The following NCAPD3 variants were observed in gnomAD, a reference collection of about 807,000 sequenced individuals.
The protein encoded by NCAPD3 is condensin-2 complex subunit D3.
NCAPD3 carries 105 observed loss-of-function variants against 182.9 expected under a neutral mutation model. The observed-to-expected ratio is 0.57, with a 90% CI of 0.49 to 0.68. NCAPD3 has a LOEUF of 0.68. NCAPD3 is among the 30% of genes least tolerant of loss of function. The pLI is 0.00. For missense variants in NCAPD3, 1,944 were observed against 1,837.0 expected (o/e 1.06, Z -1.07); for synonymous variants, 815 against 679.9 (o/e 1.20, Z -3.09).
In NCAPD3 at chr11:134,203,658, A is replaced by C. The variant is rs1944793793; in HGVS notation, c.1464T>G (p.Ile488Met). The change falls in exon 11 of 35, where the codon ATT becomes ATG. Residue 488 changes from isoleucine to methionine, a missense_variant. Around this residue, in one of 3 missense-constraint regions of NCAPD3, gnomAD observed 1,803 missense variants for 1,674.6 expected, o/e 1.08. Coordinates refer to ENST00000534548, the MANE Select transcript of NCAPD3 (RefSeq NM_015261.3). ...CCCAATAGTCGCCATACTCACTGTTAATCAGGAGCTCCAGGATACTCTCCG... is the reference window on the plus strand; with the variant it reads ...CCCAATAGTCGCCATACTCACTGTTCATCAGGAGCTCCAGGATACTCTCCG... ...SASESILELL[I>M]NSPTFSVIES... is the part of the protein sequence containing the mutation. 2.5e-6 allele frequency: 4 copies of C among 1,611,960 alleles called. No homozygotes were observed. Among genetic ancestry groups the C allele is most frequent in the South Asian group, 1.1e-5 (1 of 91,040 alleles).
chr11:134,202,332 C>T (rs1944766875), intron 13 of NCAPD3, among the ~76,000 whole-genome samples: 1 of 152,186 alleles, frequency 6.6e-6, no homozygotes, highest in Non-Finnish European at 1.5e-5. Context: ...CTAGATCATG[C>T]AGCTATTTAG....
At chr11:134,212,304 T>A (rs1044374657) in intron 3 of NCAPD3, among the ~76,000 whole-genome samples, 3 of 152,116 alleles carry the variant, frequency 2.0e-5, no homozygotes, top group Admixed American at 6.5e-5. Flanking sequence ...TAATGAAATG[T>A]AGGCTTTATA....
intron 32 of NCAPD3, 85 bp from the exon 33 acceptor site, chr11:134,153,448 G>C: frequency 7.2e-7 from 1 of 1,386,292 alleles, no homozygotes; most frequent in Non-Finnish European, 1.0e-6. Context: ...ACGTAGGCAG[G>C]GTGTCCACAT....
Position 134,202,809 on chromosome 11 carries a change from G to A in NCAPD3, c.1615+7C>T, listed in dbSNP as rs778728742. The A allele has an allele frequency of 3.8e-6, 6 of 1,587,116 alleles. No individual in the cohort carries two copies. The highest frequency in any genetic ancestry group is 5.2e-6 in the Non-Finnish European group (6 of 1,164,260). On this transcript the variant is annotated splice_region_variant and intron_variant, in intron 13 of 34. Transcript: ENST00000534548. Reference sequence around the variant, plus strand: ...TACCTATCTGACAGTGATAAAATCTGACATACCTCCAGATCCAACTGTTTC... The same window carrying A: ...TACCTATCTGACAGTGATAAAATCTAACATACCTCCAGATCCAACTGTTTC...
chr11:134,172,341 C>T (rs976686993), intron 24 of NCAPD3, among the ~76,000 whole-genome samples: 5 of 152,214 alleles, frequency 3.3e-5, no homozygotes, highest in Admixed American at 6.5e-5. Context: ...GCAGCCACGT[C>T]GTGGACCCTG....
At chr11:134,171,211 G>A (rs1048810199) in intron 24 of NCAPD3, among the ~76,000 whole-genome samples, 2 of 152,054 alleles carry the variant, frequency 1.3e-5, no homozygotes, top group African/African-American at 2.4e-5. Flanking sequence ...TCAGGGATGC[G>A]GTCTATGGAT....
intron 14 of NCAPD3, 122 bp from the exon 15 acceptor site, chr11:134,194,272 C>T (rs1944582493): frequency 1.0e-6 from 1 of 994,034 alleles, no homozygotes; most frequent in Admixed American, 2.4e-5. Flanking sequence ...GTCATGGATC[C>T]AACCTTCCTC....
intron 24 of NCAPD3, among the ~76,000 whole-genome samples, chr11:134,174,444 C>T (rs989569438): frequency 2.7e-5 from 4 of 146,666 alleles, no homozygotes; most frequent in Admixed American, 1.4e-4. Context: ...AGCAGATAGG[C>T]GTAGCCTTTG....
At chr11:134,201,085 C>A (rs917943388) in intron 13 of NCAPD3, among the ~76,000 whole-genome samples, 1 of 145,158 alleles carries the variant, frequency 6.9e-6, no homozygotes, top group Non-Finnish European at 1.5e-5. Flanking sequence ...AGTGCGGTGG[C>A]GCAATCTCGG....
At chr11:134,222,408 A>C (rs990631807) in intron 1 of NCAPD3, among the ~76,000 whole-genome samples, 2 of 152,252 alleles carry the variant, frequency 1.3e-5, no homozygotes, top group East Asian at 3.8e-4. Context: ...GGATACCAAA[A>C]AAAGCAGCCT....
chr11:134,224,113 G>T, upstream of NCAPD3: 1 of 701,768 alleles, frequency 1.4e-6, no homozygotes, highest in Non-Finnish European at 2.4e-6. Context: ...AGAGAACTGG[G>T]CGGGCCGAAA....
intron 32 of NCAPD3, among the ~76,000 whole-genome samples, chr11:134,154,838 C>G (rs1381752916): frequency 6.6e-6 from 1 of 152,228 alleles, no homozygotes; most frequent in East Asian, 1.9e-4. Flanking sequence ...CAGCGCACTG[C>G]AGCTGTGTAC....
chr11:134,205,278 G>A (rs1366630252), intron 8 of NCAPD3, among the ~76,000 whole-genome samples: 2 of 152,044 alleles, frequency 1.3e-5, no homozygotes, highest in African/African-American at 4.8e-5. Flanking sequence ...ATATCCTTTG[G>A]GGATAAATAT....
At chr11:134,167,740 T>A (rs1395784011) in intron 27 of NCAPD3, among the ~76,000 whole-genome samples, 7 of 115,466 alleles carry the variant, frequency 6.1e-5, no homozygotes, top group South Asian at 3.0e-4. Context: ...ACTCGTGAGA[T>A]GAGCTTAGGG....
At chr11:134,193,266 TAAAG>T (rs1458638787) in intron 15 of NCAPD3, among the ~76,000 whole-genome samples, 2 of 152,170 alleles carry the variant, frequency 1.3e-5, no homozygotes, top group Non-Finnish European at 2.9e-5. Flanking sequence ...TATTATGAAA[TAAAG>T]AAATAAACAT....
chr11:134,158,119 G>T (rs765287932), intron 30 of NCAPD3, 52 bp from the exon 31 acceptor site: 1 of 1,595,358 alleles, frequency 6.3e-7, no homozygotes, highest in Non-Finnish European at 8.5e-7. Context: ...CCACTGCAGA[G>T]GTGACAGTGC....
At chr11:134,220,434 T>A (rs1024260854) in intron 2 of NCAPD3, 138 bp downstream of exon 2, 3 of 769,466 alleles carry the variant, frequency 3.9e-6, no homozygotes, top group Non-Finnish European at 6.0e-6. Context: ...TCCAATAAAT[T>A]AACCACATTC....
chr11:134,178,969 A>G (rs764550349), intron 20 of NCAPD3, 33 bp from the exon 21 acceptor site: 20 of 1,476,582 alleles, frequency 1.4e-5, no homozygotes, highest in Non-Finnish European at 1.9e-5. Context: ...AGTAAAAATA[A>G]GGCAAAAGAA....
At position 134,204,270 on chromosome 11, in the gene NCAPD3, T is replaced by A; in HGVS notation, c.1090-99A>T. The A allele has an allele frequency of 7.7e-7, 1 of 1,295,448 alleles. No homozygotes were observed. Among genetic ancestry groups the A allele is most frequent in the Non-Finnish European group, 1.1e-6 (1 of 939,246 alleles). The allele number at this position is 1,295,448 out of a possible 1,614,324, so 80.2% of individuals were successfully genotyped here. On this transcript the variant is annotated intron_variant, in intron 9 of 34. Transcript: ENST00000534548. The surrounding 1 kb of genome is among the most constrained non-coding windows in gnomAD (Gnocchi z 4.3). ...GTTGAAAGTCAGTGAGTACAACTAG[T>A]TCAATGACCTTTAAATGTTACGTAA...
Sources: gnomAD v4.1 joint callset for allele counts (sites outside exome capture counted in the v4.1 genomes callset) on GRCh38, gnomAD v4.1.1 for gene constraint, gnomAD v4.1.1 regional missense constraint, Gnocchi (gnomAD v3.1) non-coding constraint, MANE v1.5 for transcripts, NCBI Gene and HGNC (gene_info 2026-07-23, HGNC 2026-07-21) for gene names.